Variants in JAKMIP2 observed in about 807,000 individuals in gnomAD.
JAKMIP2 encodes the protein janus kinase and microtubule-interacting protein 2.
Under a neutral mutation model 115.0 loss-of-function variants are expected in JAKMIP2, and 25 were observed. The observed-to-expected ratio is 0.22, with a 90% confidence interval of 0.16 to 0.30. The LOEUF (loss-of-function observed/expected upper bound fraction) is 0.30. Ranked by LOEUF, JAKMIP2 falls within the 10% of genes least tolerant of loss-of-function variation. JAKMIP2 has a pLI of 1.00. For missense variants in JAKMIP2, 642 were observed against 957.6 expected (o/e 0.67, Z 4.35); for synonymous variants, 334 against 343.6 (o/e 0.97, Z 0.31).
chr5:147,767,930 GT>G (rs1755211293), intron 1 of JAKMIP2, among the ~76,000 whole-genome samples: 1 of 152,096 alleles, frequency 6.6e-6, no homozygotes, highest in Non-Finnish European at 1.5e-5. Flanking sequence ...AAAGTGATCT[GT>G]TTGTGTTGTT....
At chr5:147,761,777 T>C (rs923060289) in intron 1 of JAKMIP2, among the ~76,000 whole-genome samples, 4 of 151,930 alleles carry the variant, frequency 2.6e-5, no homozygotes, top group South Asian at 2.1e-4. Context: ...TAAATAAATA[T>C]GACAAATGGT....
chr5:147,779,561 T>A (rs542069169), intron 1 of JAKMIP2, among the ~76,000 whole-genome samples: 1 of 152,204 alleles, frequency 6.6e-6, no homozygotes, highest in Admixed American at 6.5e-5. Context: ...ATAAAGCTGC[T>A]GAGAAAGAAG....
At chr5:147,742,814 A>G (rs372550467) in intron 1 of JAKMIP2, among the ~76,000 whole-genome samples, 1 of 152,132 alleles carries the variant, frequency 6.6e-6, no homozygotes, top group Admixed American at 6.5e-5. Context: ...TGATCCCTAC[A>G]CTATTTCGGT....
At chr5:147,763,723 T>C (rs943024109) in intron 1 of JAKMIP2, among the ~76,000 whole-genome samples, 1 of 152,050 alleles carries the variant, frequency 6.6e-6, no homozygotes, top group East Asian at 1.9e-4. Context: ...CAGGAGTAGT[T>C]TAATGAATTA....
In JAKMIP2 at chr5:147,587,392, TAC is replaced by T. The variant is rs1444224810; in HGVS notation, c.*4313_*4314del. The T allele has an allele frequency of 6.8e-6, 1 of 147,734 alleles. No homozygotes were observed. The highest frequency in any genetic ancestry group is 1.5e-5 in the Non-Finnish European group (1 of 67,076). The allele number at this position is 147,734 out of a possible 1,614,324, so 9.2% of individuals were successfully genotyped here. On this transcript the variant is annotated 3_prime_UTR_variant, in exon 22 of 22. Transcript: ENST00000616793. The stretch of plus-strand genomic sequence containing the variant: ...GCAACAAGCAATGCAACTCCCAAAT[TAC>T]AGAGCAAATTTCTATTGCTCTGTGT...
intron 1 of JAKMIP2, among the ~76,000 whole-genome samples, chr5:147,739,869 C>T (rs185665742): frequency 6.6e-6 from 1 of 152,154 alleles, no homozygotes; most frequent in African/African-American, 2.4e-5. Context: ...GCAGGACTTT[C>T]TAGACTGATC....
chr5:147,672,665 A>G (rs1396048866), intron 1 of JAKMIP2, among the ~76,000 whole-genome samples: 1 of 152,240 alleles, frequency 6.6e-6, no homozygotes, highest in Non-Finnish European at 1.5e-5. Context: ...TTTCAGAAGT[A>G]TAAACAGTAA....
At position 147,635,945 on chromosome 5, in the gene JAKMIP2, T is replaced by C. The variant is rs374990849; in HGVS notation, c.1677+277A>G. On this transcript the variant is annotated intron_variant, in intron 12 of 21. Coordinates refer to ENST00000616793, the MANE Select transcript of JAKMIP2 (RefSeq NM_001270941.2). ...TGTATGTATATATATATGTACAGTA[T>C]ATATACAGTGTATATGGTTAGCAAA... is the stretch of plus-strand genomic sequence containing the variant. Among the ~76,000 whole-genome samples, 45 of 152,318 alleles carry C rather than the reference T, an allele frequency of 3.0e-4. No individual in the cohort carries two copies. In the East Asian group the frequency reaches 6.4e-3, roughly 22 times the overall value.
At chr5:147,673,960 G>A (rs576045860) in intron 1 of JAKMIP2, among the ~76,000 whole-genome samples, 1 of 151,896 alleles carries the variant, frequency 6.6e-6, no homozygotes, top group Non-Finnish European at 1.5e-5. Context: ...CCACAGCCCC[G>A]ACCATTATGC....
intron 1 of JAKMIP2, among the ~76,000 whole-genome samples, chr5:147,686,734 G>A (rs1418798051): frequency 1.3e-5 from 2 of 152,018 alleles, no homozygotes; most frequent in Admixed American, 6.6e-5. Flanking sequence ...ACCTAATGAT[G>A]TTTTATCCAC....
intron 1 of JAKMIP2, among the ~76,000 whole-genome samples, chr5:147,679,167 G>A (rs1760130904): frequency 6.6e-6 from 1 of 152,020 alleles, no homozygotes; most frequent in African/African-American, 2.4e-5. Flanking sequence ...TTTTAGTAGA[G>A]ATGGGGTTTC....
intron 1 of JAKMIP2, among the ~76,000 whole-genome samples, chr5:147,731,628 C>G (rs1318935866): frequency 6.6e-6 from 1 of 152,076 alleles, no homozygotes; most frequent in Non-Finnish European, 1.5e-5. Flanking sequence ...TTCTTTTTAT[C>G]TAGATTATTT....
intron 1 of JAKMIP2, among the ~76,000 whole-genome samples, chr5:147,688,741 G>C (rs563203304): frequency 6.6e-6 from 1 of 152,108 alleles, no homozygotes; most frequent in Admixed American, 6.5e-5. Context: ...GAATAAGGCC[G>C]GTAAAGCGTT....
chr5:147,597,831 C>A (rs562072237), intron 21 of JAKMIP2, among the ~76,000 whole-genome samples: 1 of 152,112 alleles, frequency 6.6e-6, no homozygotes, highest in African/African-American at 2.4e-5. Context: ...GAGTTGGAAC[C>A]TGATGAGAGG....
rs955690783 is a variant in JAKMIP2, at chr5:147,628,649, C to T, written c.1995+102G>A. 6.3e-6 allele frequency: 5 copies of T among 799,062 alleles called. No individual in the cohort carries two copies. The African/African-American group carries it at 8.6e-5, about 14-fold the overall frequency. The allele number at this position is 799,062 out of a possible 1,614,324, so 49.5% of individuals were successfully genotyped here. ...AAATAAAATGTGTATTAGGTATTCACACACAGTCATGTGCAGAGGGAATGT... is the reference window on the plus strand; with the variant it reads ...AAATAAAATGTGTATTAGGTATTCATACACAGTCATGTGCAGAGGGAATGT... On this transcript the variant is annotated intron_variant, in intron 16 of 21. Transcript: ENST00000616793.
intron 2 of JAKMIP2, among the ~76,000 whole-genome samples, chr5:147,666,794 T>C (rs967939266): frequency 6.6e-6 from 1 of 152,180 alleles, no homozygotes; most frequent in Middle Eastern, 3.2e-3. Context: ...ATTGTCGATA[T>C]CATTCTCTTA....
At chr5:147,776,361 G>A (rs1010283713) in intron 1 of JAKMIP2, among the ~76,000 whole-genome samples, 8 of 151,966 alleles carry the variant, frequency 5.3e-5, no homozygotes, top group Non-Finnish European at 1.5e-5. Flanking sequence ...TTTTATAAGG[G>A]GCTTCCCCCT....
At position 147,591,134 on chromosome 5, in the gene JAKMIP2, A is replaced by G. The variant is rs539575708; in HGVS notation, c.*573T>C. The stretch of plus-strand genomic sequence containing the variant: ...AGACAGAAAAGCAAATCCCTGTAGT[A>G]AGAAACCAGACTTTTCAAATGAAAC... On this transcript the variant is annotated 3_prime_UTR_variant, in exon 22 of 22. Transcript: ENST00000616793. 1.2e-4 allele frequency: 19 copies of G among 153,000 alleles called. No homozygotes were observed. The highest frequency in any genetic ancestry group is 4.3e-4 in the African/African-American group (18 of 41,572). 9.5% of individuals were successfully genotyped at this position (153,000 alleles called of 1,614,324 possible). A position where few individuals can be genotyped will look rare whatever the true frequency, so the allele number is the denominator to read the frequency against.
At chr5:147,648,683 T>C (rs1288162035) in intron 4 of JAKMIP2, among the ~76,000 whole-genome samples, 2 of 152,220 alleles carry the variant, frequency 1.3e-5, no homozygotes, top group Non-Finnish European at 2.9e-5. Context: ...CGCCAGGTTG[T>C]AATTGCAAAT....
Sources: allele counts gnomAD v4.1 joint callset (sites outside exome capture counted in the v4.1 genomes callset), GRCh38; gene constraint gnomAD v4.1.1; transcripts MANE v1.5; gene names NCBI Gene and HGNC (gene_info 2026-07-23, HGNC 2026-07-21).